The following CIT variants were observed in gnomAD, a reference collection of about 807,000 sequenced individuals.
CIT encodes the protein citron Rho-interacting kinase.
CIT carries 79 observed loss-of-function variants against 272.7 expected under a neutral mutation model. The ratio of observed to expected loss-of-function variants is 0.29; its 90% CI spans 0.24 to 0.35. The LOEUF (loss-of-function observed/expected upper bound fraction) is 0.35. Ranked by LOEUF, CIT falls within the 10% of genes least tolerant of loss-of-function variation. The probability of loss-of-function intolerance (pLI) is 1.00; values close to 1 mark genes in which losing one functional copy is unlikely to be tolerated. For missense variants in CIT, 1,909 were observed against 2,618.3 expected (o/e 0.73, Z 5.91); for synonymous variants, 948 against 995.6 (o/e 0.95, Z 0.90).
rs1017553877 is a variant in CIT at position 119,687,167 on chromosome 12, G to A, written c.*1065C>T. 6.5e-5 allele frequency: 10 copies of A among 152,814 alleles called. No homozygotes were observed. Among genetic ancestry groups the A allele is most frequent in the Admixed American group, 2.0e-4 (3 of 15,298 alleles). 9.5% of individuals were successfully genotyped at this position (152,814 alleles called of 1,614,324 possible). A position where few individuals can be genotyped will look rare whatever the true frequency, so the allele number is the denominator to read the frequency against. Reference sequence around the variant, plus strand: ...AGTCGGCAAGTCGTCAGAGGGTCTCGATTTGGCAGGAGCTATGGGATGGTA... The same window carrying A: ...AGTCGGCAAGTCGTCAGAGGGTCTCAATTTGGCAGGAGCTATGGGATGGTA... On this transcript the variant is annotated 3_prime_UTR_variant, in exon 48 of 48. Coordinates refer to ENST00000392521, the MANE Select transcript of CIT (RefSeq NM_001206999.2).
At position 119,875,000 on chromosome 12, in the gene CIT, C is replaced by G. The variant is rs191963735; in HGVS notation, c.96+1073G>C. Among the ~76,000 whole-genome samples, 23 of 151,976 alleles carry G rather than the reference C, an allele frequency of 1.5e-4. No individual in the cohort carries two copies. In the East Asian group the frequency reaches 3.7e-3, roughly 24 times the overall value. On this transcript the variant is annotated intron_variant, in intron 2 of 47. Transcript: ENST00000392521. ...CATCTTTGTTCATTTATTTTTCTTT[C>G]TTCAATAAAAGGACAAACTTGCCCT... is the stretch of plus-strand genomic sequence containing the variant.
chr12:119,718,519 G>A lies in CIT; in HGVS notation c.4004-110C>T, dbSNP rs1003845027. The A allele has an allele frequency of 1.7e-5, 24 of 1,446,990 alleles. No individual in the cohort carries two copies. The East Asian group carries it at 5.0e-4, about 30-fold the overall frequency. 89.6% of individuals were successfully genotyped at this position (1,446,990 alleles called of 1,614,324 possible). On this transcript the variant is annotated intron_variant, in intron 31 of 47. Transcript: ENST00000392521. This position sits in a 1 kb window ranked among gnomAD's most constrained non-coding sequence, Gnocchi z 4.8. ...CAAGGACCCAAGACCAAAAGAATAT[G>A]CGTCACATCAACTTGGCAATGCACA...
Position 119,697,107 on chromosome 12 carries a change from A to G in CIT, c.5882+552T>C, listed in dbSNP as rs1026803857. 4.6e-5 allele frequency among the ~76,000 whole-genome samples: 7 copies of G among 152,118 alleles called. No homozygotes were observed. The highest frequency in any genetic ancestry group is 1.0e-4 in the Non-Finnish European group (7 of 68,022). ...ACCTCACATCTCTGGACCTCCAGGCATGGCTTGCCTTCCCTCCTGCCTGAG... is the reference window on the plus strand; with the variant it reads ...ACCTCACATCTCTGGACCTCCAGGCGTGGCTTGCCTTCCCTCCTGCCTGAG... On this transcript the variant is annotated intron_variant, in intron 46 of 47. Transcript: ENST00000392521. The surrounding 1 kb of genome is among the most constrained non-coding windows in gnomAD (Gnocchi z 4.9).
intron 23 of CIT, among the ~76,000 whole-genome samples, chr12:119,744,194 A>G (rs1380358014): frequency 6.6e-6 from 1 of 152,166 alleles, no homozygotes; most frequent in African/African-American, 2.4e-5. Context: ...GAGAAAGTGG[A>G]TGAAACTGAG....
chr12:119,730,828 G>C (rs1958396111), intron 26 of CIT, among the ~76,000 whole-genome samples, 198 bp from the exon 27 acceptor site: 1 of 152,188 alleles, frequency 6.6e-6, no homozygotes, highest in Admixed American at 6.5e-5. Flanking sequence ...TTAGGCTTGG[G>C]TAAGGAAAAA....
chr12:119,740,753 T>G (rs988729345), intron 24 of CIT, among the ~76,000 whole-genome samples: 1 of 152,118 alleles, frequency 6.6e-6, no homozygotes, highest in Non-Finnish European at 1.5e-5. Flanking sequence ...CAAATAATTC[T>G]TGTGTAAAAT....
intron 2 of CIT, among the ~76,000 whole-genome samples, chr12:119,869,589 G>T (rs1378035434): frequency 3.3e-5 from 5 of 152,130 alleles, no homozygotes; most frequent in Non-Finnish European, 7.4e-5. Context: ...GTGCCCAGGG[G>T]TTTATTCATA....
chr12:119,863,434 C>T (rs1319084779), intron 3 of CIT, among the ~76,000 whole-genome samples: 2 of 151,984 alleles, frequency 1.3e-5, no homozygotes, highest in Admixed American at 6.6e-5. Context: ...ACCTGGGTGA[C>T]GAAATAATCT....
At chr12:119,741,605 G>A (rs1317964106) in intron 24 of CIT, among the ~76,000 whole-genome samples, 2 of 152,172 alleles carry the variant, frequency 1.3e-5, no homozygotes, top group Non-Finnish European at 2.9e-5. Context: ...AAATATGTAT[G>A]TGTGTGGAGG....
chr12:119,766,885 A>C (rs1962513225), intron 19 of CIT, among the ~76,000 whole-genome samples: 1 of 152,080 alleles, frequency 6.6e-6, no homozygotes, highest in Admixed American at 6.5e-5. Flanking sequence ...TTAAAAAAAA[A>C]AAAAGGTTTT....
intron 4 of CIT, among the ~76,000 whole-genome samples, chr12:119,854,955 T>TAAAC (rs1252074097): frequency 6.6e-6 from 1 of 151,752 alleles, no homozygotes; most frequent in Non-Finnish European, 1.5e-5. Context: ...ATTCTCTAAA[T>TAAAC]AAATAAATAA....
chr12:119,689,702 G>C, intron 47 of CIT, among the ~76,000 whole-genome samples: 1 of 91,740 alleles, frequency 1.1e-5, no homozygotes, highest in Non-Finnish European at 2.0e-5. Context: ...TTTTAAGACA[G>C]AGTCTCGCTC....
intron 24 of CIT, among the ~76,000 whole-genome samples, chr12:119,738,514 C>T (rs1006146276): frequency 2.6e-5 from 4 of 152,046 alleles, no homozygotes; most frequent in African/African-American, 4.8e-5. Context: ...ACAACGCAGG[C>T]GCCAGCAGAG....
intron 3 of CIT, among the ~76,000 whole-genome samples, chr12:119,862,808 TAAAAAAAAAAA>T (rs1157467178): frequency 2.1e-3 from 22 of 10,250 alleles, no homozygotes; most frequent in East Asian, 0.015. Context: ...AGACTCTACC[TAAAAAAAAAAA>T]AAAAAAAAAA....
At chr12:119,873,585 G>C (rs531644192) in intron 2 of CIT, among the ~76,000 whole-genome samples, 42 of 152,178 alleles carry the variant, frequency 2.8e-4, no homozygotes, top group African/African-American at 9.4e-4. Flanking sequence ...CAGCAAGTTG[G>C]AGATATTTTA....
intron 10 of CIT, 23 bp from the exon 11 acceptor site, chr12:119,785,088 C>A (rs1406395499): frequency 1.9e-6 from 3 of 1,611,902 alleles, no homozygotes; most frequent in Admixed American, 3.4e-5. Flanking sequence ...AAACCAACGT[C>A]AAGGGGGCCT....
chr12:119,688,445 A>G (rs1955705228), intron 47 of CIT, among the ~76,000 whole-genome samples, 190 bp from the exon 48 acceptor site: 1 of 152,274 alleles, frequency 6.6e-6, no homozygotes, highest in African/African-American at 2.4e-5. Context: ...GGAAAATCCC[A>G]AAGCCGTGTG....
At chr12:119,757,627 C>A in intron 21 of CIT, 82 bp from the exon 22 acceptor site, 3 of 1,537,068 alleles carry the variant, frequency 2.0e-6, no homozygotes, top group South Asian at 1.2e-5. Flanking sequence ...TAGACGGACA[C>A]GGAGTTAGAC....
At chr12:119,861,810 A>G (rs1470650964) in intron 3 of CIT, among the ~76,000 whole-genome samples, 1 of 152,184 alleles carries the variant, frequency 6.6e-6, no homozygotes, top group Non-Finnish European at 1.5e-5. Context: ...AATGATGAAA[A>G]CTGTTGTAAC....
Sources: allele counts gnomAD v4.1 joint callset (sites outside exome capture counted in the v4.1 genomes callset), GRCh38; gene constraint gnomAD v4.1.1; non-coding constraint Gnocchi (gnomAD v3.1); transcripts MANE v1.5; gene names NCBI Gene and HGNC (gene_info 2026-07-23, HGNC 2026-07-21).